Variants in STX16 observed in about 807,000 individuals in gnomAD.
The protein encoded by STX16 is syntaxin 16.
Under a neutral mutation model 42.7 loss-of-function variants are expected in STX16, and 28 were observed. The ratio of observed to expected loss-of-function variants is 0.66; its 90% confidence interval spans 0.49 to 0.90. The LOEUF (loss-of-function observed/expected upper bound fraction) is 0.90, where lower values mean the gene tolerates loss of function less well. STX16 is among the 40% of genes least tolerant of loss of function. The pLI is 0.00. For synonymous variants in STX16, 156 were observed against 155.2 expected, an observed-to-expected ratio of 1.00 and a Z score of -0.04; for missense variants, 361 against 420.9, an observed-to-expected ratio of 0.86 and a Z score of 1.24.
chr20:58,672,365 AC>A (rs1242150145), intron 7 of STX16, among the ~76,000 whole-genome samples: 1 of 151,948 alleles, frequency 6.6e-6, no homozygotes, highest in African/African-American at 2.4e-5. Flanking sequence ...GTATAAAATT[AC>A]TTTCAAGCTA....
chr20:58,669,350 C>T lies in STX16; in HGVS notation c.453C>T (p.Ser151=), dbSNP rs2083914858. 1.1e-5 allele frequency: 18 copies of T among 1,611,812 alleles called. No homozygotes were observed. Among genetic ancestry groups the T allele is most frequent in the Middle Eastern group, 1.6e-4 (1 of 6,066 alleles). The change falls in exon 5 of 9, where the codon TCC becomes TCT. Residue 151 remains serine (S), a synonymous_variant. Transcript: ENST00000371141. ...QALPSRARAC[S]EQEGRLLGNV... ...TGCCGAGCCGGGCCCGGGCCTGCTC[C>T]GAGCAGGAGGGGCGGCTGCTTGGGA...
chr20:58,671,871 C>T (rs2083985725), intron 7 of STX16, among the ~76,000 whole-genome samples: 1 of 152,066 alleles, frequency 6.6e-6, no homozygotes, highest in Non-Finnish European at 1.5e-5. Context: ...CAATATGACA[C>T]TCAAAGGATA....
chr20:58,678,224 C>A lies in STX16; in HGVS notation c.*1933C>A, dbSNP rs1266173632. ...AAGCTTTTTAAAGTGCTGAGCCTTA[C>A]AAACCCCTGAAGGAAAGTGACCCTT... is the stretch of plus-strand genomic sequence containing the variant. On this transcript the variant is annotated 3_prime_UTR_variant, in exon 9 of 9. Coordinates refer to ENST00000371141, the MANE Select transcript of STX16 (RefSeq NM_001001433.3). The A allele has an allele frequency of 1.3e-5, 2 of 152,224 alleles. No individual in the cohort carries two copies. Among genetic ancestry groups the A allele is most frequent in the Non-Finnish European group, 2.9e-5 (2 of 68,046 alleles). The allele number at this position is 152,224 out of a possible 1,614,324, so 9.4% of individuals were successfully genotyped here.
At chr20:58,673,334 C>T (rs1282380787) in intron 7 of STX16, among the ~76,000 whole-genome samples, 1 of 152,124 alleles carries the variant, frequency 6.6e-6, no homozygotes, top group Non-Finnish European at 1.5e-5. Flanking sequence ...TTTCTTAGGG[C>T]CCCAGGAAGT....
chr20:58,663,909 CT>C (rs1409372656), intron 2 of STX16, among the ~76,000 whole-genome samples: 1 of 152,158 alleles, frequency 6.6e-6, no homozygotes, highest in Non-Finnish European at 1.5e-5. Context: ...AACTCCCGAC[CT>C]CAGGCAATCC....
Position 58,651,742 on chromosome 20 carries a change from G to T in STX16, c.-265G>T. ...CTGGGACGTTGGATCGCTACGCAAG[G>T]ATTGGGGGGATTCAAGTGCTTAGAG... On this transcript the variant is annotated 5_prime_UTR_variant, in exon 1 of 9. Transcript: ENST00000371141. 2.5e-6 allele frequency: 1 copy of T among 408,086 alleles called. No individual in the cohort carries two copies. 25.3% of individuals were successfully genotyped at this position (408,086 alleles called of 1,614,324 possible). A position where few individuals can be genotyped will look rare whatever the true frequency, so the allele number is the denominator to read the frequency against.
At position 58,676,384 on chromosome 20, in the gene STX16, C is replaced by A; in HGVS notation, c.*93C>A. 4 of 1,160,552 alleles carry A rather than the reference C, an allele frequency of 3.4e-6. No individual in the cohort carries two copies. The highest frequency in any genetic ancestry group is 5.2e-6 in the Non-Finnish European group (4 of 775,016). 71.9% of individuals were successfully genotyped at this position (1,160,552 alleles called of 1,614,324 possible). A position where few individuals can be genotyped will look rare whatever the true frequency, so the allele number is the denominator to read the frequency against. On this transcript the variant is annotated 3_prime_UTR_variant, in exon 9 of 9. Transcript: ENST00000371141. ...CCGCCAGCTGCCCGCAGAGGTGCAG[C>A]CTCGAGGAATCTGAGGGCGTCGGGG... is the stretch of plus-strand genomic sequence containing the variant.
chr20:58,673,559 A>C, intron 7 of STX16, 72 bp from the exon 8 acceptor site: 1 of 1,004,674 alleles, frequency 1.0e-6, no homozygotes, highest in Non-Finnish European at 1.6e-6. Flanking sequence ...TGTAATTTGC[A>C]TATCTCATTT....
chr20:58,654,087 A>G (rs2083535142), intron 1 of STX16, among the ~76,000 whole-genome samples: 2 of 152,204 alleles, frequency 1.3e-5, no homozygotes. Flanking sequence ...GCTAACTCAC[A>G]GTTTTTTGAA....
Position 58,658,237 on chromosome 20 carries a change from A to C in STX16, c.133-1386A>C, listed in dbSNP as rs145631300. ...TGCAGAATAGGAAGAAGACTGAGAT[A>C]CTCAAGTTAGGGATTTTGTCTTGCA... On this transcript the variant is annotated intron_variant, in intron 1 of 8. Transcript: ENST00000371141. 6.9e-3 allele frequency among the ~76,000 whole-genome samples: 1,050 copies of C among 152,314 alleles called. 10 individuals are homozygous for C. The highest frequency in any genetic ancestry group is 0.024 in the African/African-American group (992 of 41,554).
intron 1 of STX16, among the ~76,000 whole-genome samples, chr20:58,654,474 T>C (rs989883178): frequency 3.9e-5 from 6 of 152,210 alleles, no homozygotes; most frequent in African/African-American, 1.4e-4. Context: ...TACGGCGAAA[T>C]GCTAACAAGA....
chr20:58,675,971 G>A (rs1443771238), intron 8 of STX16, among the ~76,000 whole-genome samples: 1 of 152,098 alleles, frequency 6.6e-6, no homozygotes, highest in Non-Finnish European at 1.5e-5. Flanking sequence ...CCATTTCCAC[G>A]TCCAGGGTAA....
intron 1 of STX16, among the ~76,000 whole-genome samples, chr20:58,653,650 G>T (rs1438111328): frequency 2.0e-5 from 3 of 152,332 alleles, no homozygotes; most frequent in Admixed American, 2.0e-4. Flanking sequence ...GAAATTGGAT[G>T]AATTCAATTC....
chr20:58,677,890 G>A lies in STX16; in HGVS notation c.*1599G>A, dbSNP rs1449242116. On this transcript the variant is annotated 3_prime_UTR_variant, in exon 9 of 9. Transcript: ENST00000371141. ...AGCCATTGGTGGTTTTCCTATTACT[G>A]ATGTGGCTGTGGAATGATAAGGTCC... The A allele has an allele frequency of 6.6e-6, 1 of 152,186 alleles. No individual in the cohort carries two copies. The highest frequency in any genetic ancestry group is 1.5e-5 in the Non-Finnish European group (1 of 68,064). 9.4% of individuals were successfully genotyped at this position (152,186 alleles called of 1,614,324 possible).
chr20:58,667,908 C>T (rs1042344597), intron 3 of STX16, 79 bp from the exon 4 acceptor site: 1 of 1,585,092 alleles, frequency 6.3e-7, no homozygotes, highest in African/African-American at 1.3e-5. Context: ...AGACCGAATT[C>T]TGTATGCTGA....
chr20:58,670,677 G>A (rs2083947170), intron 6 of STX16, 74 bp downstream of exon 6: 17 of 1,230,402 alleles, frequency 1.4e-5, no homozygotes, highest in Non-Finnish European at 1.9e-5. Flanking sequence ...CCTAGACCTC[G>A]ATCTTCTGTG....
intron 1 of STX16, among the ~76,000 whole-genome samples, chr20:58,656,577 T>C (rs1168688078): frequency 6.6e-6 from 1 of 152,244 alleles, no homozygotes; most frequent in Non-Finnish European, 1.5e-5. Context: ...GGAATGGATC[T>C]AATATAGGGG....
chr20:58,678,710 T>G lies in STX16; in HGVS notation c.*2419T>G, dbSNP rs2084200026. Reference sequence around the variant, plus strand: ...GGGAGAGACAGACCCAGCCTGGAGCTGGCCCCTGGCCTGTGTGCTGACTTC... The same window carrying G: ...GGGAGAGACAGACCCAGCCTGGAGCGGGCCCCTGGCCTGTGTGCTGACTTC... On this transcript the variant is annotated 3_prime_UTR_variant, in exon 9 of 9. Transcript: ENST00000371141. The G allele has an allele frequency of 6.6e-6, 1 of 152,174 alleles. No homozygotes were observed. Among genetic ancestry groups the G allele is most frequent in the Admixed American group, 6.5e-5 (1 of 15,286 alleles). 9.4% of individuals were successfully genotyped at this position (152,174 alleles called of 1,614,324 possible). A position where few individuals can be genotyped will look rare whatever the true frequency, so the allele number is the denominator to read the frequency against.
At chr20:58,654,813 C>T (rs1277703506) in intron 1 of STX16, among the ~76,000 whole-genome samples, 3 of 152,136 alleles carry the variant, frequency 2.0e-5, no homozygotes, top group African/African-American at 7.2e-5. Context: ...GGTGAAATGT[C>T]AAGGCATCTT....
Sources: gnomAD v4.1 joint callset for allele counts (sites outside exome capture counted in the v4.1 genomes callset) on GRCh38, gnomAD v4.1.1 for gene constraint, MANE v1.5 for transcripts, NCBI Gene and HGNC (gene_info 2026-07-23, HGNC 2026-07-21) for gene names.